The following CSMD1 variants were observed in gnomAD, a reference collection of about 807,000 sequenced individuals.
The protein encoded by CSMD1 is CUB and sushi domain-containing protein 1.
A neutral mutation model predicts 417.5 loss-of-function variants in CSMD1; 213 were observed. That is an observed-to-expected ratio of 0.51 (90% CI 0.46 to 0.57). The LOEUF (loss-of-function observed/expected upper bound fraction) is 0.57, where lower values mean the gene tolerates loss of function less well. Ranked by LOEUF, CSMD1 falls within the 20% of genes least tolerant of loss-of-function variation. CSMD1 has a pLI of 0.00. For missense variants in CSMD1, 6,923 were observed against 4,529.7 expected, an observed-to-expected ratio of 1.53 and a Z score of -15.17; for synonymous variants, 2,862 against 1,736.8, an observed-to-expected ratio of 1.65 and a Z score of -16.11.
At chr8:3,132,077 G>A (rs938292102) in intron 41 of CSMD1, among the ~76,000 whole-genome samples, 3 of 152,182 alleles carry the variant, frequency 2.0e-5, no homozygotes, top group African/African-American at 2.4e-5. Flanking sequence ...GGGTTCACAC[G>A]TGGCCTCCAG....
intron 1 of CSMD1, among the ~76,000 whole-genome samples, chr8:4,638,792 T>C (rs915701005): frequency 6.6e-6 from 1 of 152,198 alleles, no homozygotes; most frequent in Non-Finnish European, 1.5e-5. Flanking sequence ...TGATGAGGGC[T>C]GAAGGGCAAT....
intron 6 of CSMD1, among the ~76,000 whole-genome samples, chr8:3,733,008 T>G (rs1348193896): frequency 6.6e-6 from 1 of 152,062 alleles, no homozygotes; most frequent in Non-Finnish European, 1.5e-5. Flanking sequence ...AAGATACGTG[T>G]GCCCTGATCA....
At chr8:4,080,004 T>G (rs1585269178) in intron 3 of CSMD1, among the ~76,000 whole-genome samples, 1 of 116,194 alleles carries the variant, frequency 8.6e-6, no homozygotes, top group African/African-American at 3.9e-5. Context: ...AATATTGGTG[T>G]TTTTTTTTTT....
intron 10 of CSMD1, among the ~76,000 whole-genome samples, chr8:3,509,284 A>G (rs1232694424): frequency 6.6e-6 from 1 of 152,210 alleles, no homozygotes; most frequent in East Asian, 1.9e-4. Flanking sequence ...AATGACTAAA[A>G]AATATATTTA....
intron 10 of CSMD1, among the ~76,000 whole-genome samples, chr8:3,533,393 T>C (rs977704395): frequency 9.2e-5 from 14 of 152,202 alleles, no homozygotes; most frequent in Admixed American, 6.5e-4. Context: ...TGACTCCTCA[T>C]TTCCCCCTCC....
intron 3 of CSMD1, among the ~76,000 whole-genome samples, chr8:4,134,081 G>C (rs1156604926): frequency 7.2e-5 from 11 of 152,074 alleles, no homozygotes; most frequent in Non-Finnish European, 5.9e-5. Flanking sequence ...ATTATTATAA[G>C]ATTATCAACT....
intron 5 of CSMD1, among the ~76,000 whole-genome samples, chr8:3,984,437 C>A (rs560731348): frequency 9.9e-5 from 15 of 152,046 alleles, no homozygotes; most frequent in Admixed American, 8.5e-4. Context: ...CAAACCTAAA[C>A]AGAGAGGCAC....
At chr8:3,245,568 A>C (rs1248560583) in intron 26 of CSMD1, among the ~76,000 whole-genome samples, 1 of 152,206 alleles carries the variant, frequency 6.6e-6, no homozygotes, top group South Asian at 2.1e-4. Context: ...TTTGAAATGC[A>C]TCATCAAGGA....
rs772745231 is a variant in CSMD1 at position 3,459,373 on chromosome 8, C to G, written c.1561+9339G>C. ...AGCGGCCGTAATATGACGGGAATCG[C>G]ACGGTGGATCCTTCTCATACAACTT... On this transcript the variant is annotated intron_variant, in intron 12 of 69. Coordinates refer to ENST00000635120, the MANE Select transcript of CSMD1 (RefSeq NM_033225.6). Among the ~76,000 whole-genome samples, 38 of 152,280 alleles carry G rather than the reference C, an allele frequency of 2.5e-4. No individual in the cohort carries two copies. In the Middle Eastern group the frequency reaches 0.01, roughly 41 times the overall value.
At chr8:4,281,134 T>C (rs915728975) in intron 3 of CSMD1, among the ~76,000 whole-genome samples, 23 of 152,202 alleles carry the variant, frequency 1.5e-4, no homozygotes, top group Non-Finnish European at 1.8e-4. Flanking sequence ...TAGGTGGCAC[T>C]CAGCCCTCGG....
intron 42 of CSMD1, among the ~76,000 whole-genome samples, chr8:3,111,255 A>G (rs12542474): frequency 0.46 from 69,741 of 152,100 alleles, 18,163 homozygotes; most frequent in South Asian, 0.65. Context: ...AGAATATACC[A>G]TGAGGCGGGA....
At position 4,076,230 on chromosome 8, in the gene CSMD1, G is replaced by A. The variant is rs990114120; in HGVS notation, c.416-44131C>T. Among the ~76,000 whole-genome samples, 22 of 152,216 alleles carry A rather than the reference G, an allele frequency of 1.4e-4. No individual in the cohort carries two copies. In the South Asian group the frequency reaches 2.7e-3, roughly 19 times the overall value. On this transcript the variant is annotated intron_variant, in intron 3 of 69. Transcript: ENST00000635120. ...TGGTTTTAGAAGGGGCTTTTCCCCCGTTTCTTGGCACTTCTCTCTCCTGCC... is the reference window on the plus strand; with the variant it reads ...TGGTTTTAGAAGGGGCTTTTCCCCCATTTCTTGGCACTTCTCTCTCCTGCC...
Position 3,267,403 on chromosome 8 carries a change from T to A in CSMD1, c.4153+16741A>T, listed in dbSNP as rs890954504. On this transcript the variant is annotated intron_variant, in intron 26 of 69. Transcript: ENST00000635120. ...TACAAAGGTGCGTTGGAGCAAGGCT[T>A]CGCTGCAACAATAGATGATGGCAGT... is the stretch of plus-strand genomic sequence containing the variant. Among the ~76,000 whole-genome samples the A allele has an allele frequency of 2.6e-4, 39 of 152,210 alleles. 1 individual carries two copies. The highest frequency in any genetic ancestry group is 2.6e-3 in the Admixed American group (39 of 15,286).
At chr8:4,958,006 T>C (rs1265674575) in intron 1 of CSMD1, among the ~76,000 whole-genome samples, 1 of 152,200 alleles carries the variant, frequency 6.6e-6, no homozygotes, top group African/African-American at 2.4e-5. Context: ...TGTCAACAGA[T>C]GGTTCAAGTC....
chr8:3,770,859 C>T (rs551563676), intron 5 of CSMD1, among the ~76,000 whole-genome samples: 4 of 152,232 alleles, frequency 2.6e-5, no homozygotes, highest in Admixed American at 2.6e-4. Context: ...AACAAATGGT[C>T]CTGTAGCTCA....
intron 2 of CSMD1, among the ~76,000 whole-genome samples, chr8:4,519,079 C>A (rs1376833880): frequency 2.0e-5 from 3 of 152,104 alleles, no homozygotes; most frequent in Non-Finnish European, 4.4e-5. Context: ...CCATTCCCAC[C>A]AATTTAATCT....
intron 3 of CSMD1, among the ~76,000 whole-genome samples, chr8:4,040,681 C>G (rs1264092982): frequency 2.0e-5 from 3 of 152,114 alleles, no homozygotes. Flanking sequence ...ATGTTTCAAG[C>G]TCTCGAGGCA....
chr8:3,259,243 C>A (rs1477492672), intron 26 of CSMD1, among the ~76,000 whole-genome samples: 4 of 152,194 alleles, frequency 2.6e-5, no homozygotes, highest in South Asian at 2.1e-4. Flanking sequence ...AAATTAATAA[C>A]CTGATTACAG....
chr8:3,349,238 C>A (rs1405399320), intron 21 of CSMD1, among the ~76,000 whole-genome samples: 1 of 152,182 alleles, frequency 6.6e-6, no homozygotes, highest in Non-Finnish European at 1.5e-5. Context: ...CAGAATTTTG[C>A]AGATGACTTC....
Sources: gnomAD v4.1 joint callset for allele counts (sites outside exome capture counted in the v4.1 genomes callset) on GRCh38, gnomAD v4.1.1 for gene constraint, MANE v1.5 for transcripts, NCBI Gene and HGNC (gene_info 2026-07-23, HGNC 2026-07-21) for gene names.